The following SGCZ variants were observed in gnomAD, a reference collection of about 807,000 sequenced individuals.
SGCZ encodes the protein sarcoglycan zeta, also known as zeta-sarcoglycan.
In SGCZ, 40 loss-of-function variants were observed where a neutral mutation model predicts 41.3. The observed-to-expected ratio is 0.97, with a 90% CI of 0.75 to 1.26. The LOEUF (loss-of-function observed/expected upper bound fraction) is 1.26, where lower values mean the gene tolerates loss of function less well. Among genes scored for constraint, SGCZ ranks in the 50% most tolerant of loss-of-function variants. The pLI is 0.00. For missense variants in SGCZ, 552 were observed against 369.8 expected, an observed-to-expected ratio of 1.49 and a Z score of -4.04; for synonymous variants, 206 against 137.5, an observed-to-expected ratio of 1.50 and a Z score of -3.49.
intron 1 of SGCZ, among the ~76,000 whole-genome samples, chr8:14,684,165 A>T (rs1349799103): frequency 2.0e-5 from 3 of 152,202 alleles, no homozygotes; most frequent in African/African-American, 7.2e-5. Flanking sequence ...GTTCATTTCT[A>T]ACTAAATGAA....
intron 1 of SGCZ, among the ~76,000 whole-genome samples, chr8:14,926,430 T>C (rs543823838): frequency 6.6e-6 from 1 of 152,150 alleles, no homozygotes; most frequent in Non-Finnish European, 1.5e-5. Flanking sequence ...TTTTTTTGGA[T>C]CTAGATAAGT....
chr8:14,110,614 GA>G (rs1802343188), intron 5 of SGCZ, among the ~76,000 whole-genome samples: 1 of 152,232 alleles, frequency 6.6e-6, no homozygotes, highest in East Asian at 1.9e-4. Context: ...CAGGCCTCTA[GA>G]AAATGAGAAA....
intron 1 of SGCZ, among the ~76,000 whole-genome samples, chr8:15,098,536 T>C (rs1370672433): frequency 6.6e-6 from 1 of 152,234 alleles, no homozygotes; most frequent in Non-Finnish European, 1.5e-5. Flanking sequence ...AATATGCTAG[T>C]AAGTATATCT....
At chr8:14,711,800 G>T (rs544026331) in intron 1 of SGCZ, among the ~76,000 whole-genome samples, 3 of 152,234 alleles carry the variant, frequency 2.0e-5, no homozygotes, top group African/African-American at 7.2e-5. Flanking sequence ...CGTTCTGATA[G>T]GAGATGGACA....
At chr8:14,971,986 G>C (rs1190133428) in intron 1 of SGCZ, among the ~76,000 whole-genome samples, 1 of 152,000 alleles carries the variant, frequency 6.6e-6, no homozygotes, top group African/African-American at 2.4e-5. Context: ...AGGTATATTG[G>C]CTTCCAGTTT....
At chr8:14,344,291 T>A (rs529972198) in intron 2 of SGCZ, among the ~76,000 whole-genome samples, 75 of 151,894 alleles carry the variant, frequency 4.9e-4, no homozygotes, top group African/African-American at 1.8e-3. Context: ...AACAAATAAC[T>A]ATCCAGTAAT....
intron 2 of SGCZ, among the ~76,000 whole-genome samples, chr8:14,456,080 T>A (rs1386864209): frequency 6.6e-6 from 1 of 152,166 alleles, no homozygotes; most frequent in Non-Finnish European, 1.5e-5. Context: ...TGCACAACTC[T>A]GCTAATACAC....
At chr8:14,630,515 T>C (rs1374316029) in intron 1 of SGCZ, among the ~76,000 whole-genome samples, 1 of 151,990 alleles carries the variant, frequency 6.6e-6, no homozygotes, top group Non-Finnish European at 1.5e-5. Context: ...AGCCATCCCA[T>C]TACTGGGTAT....
In SGCZ at chr8:14,503,629, G is replaced by T. The variant is rs147298341; in HGVS notation, c.234+51103C>A. 3.1e-4 allele frequency among the ~76,000 whole-genome samples: 47 copies of T among 152,036 alleles called. 1 individual carries two copies. Among genetic ancestry groups the T allele is most frequent in the Admixed American group, 8.5e-4 (13 of 15,270 alleles). ...CTGAAAATACAAAAATTAGCTGGGC[G>T]TGGTGGCCTGTGCCTGTAGTCCCAG... On this transcript the variant is annotated intron_variant, in intron 2 of 7. Coordinates refer to ENST00000382080, the MANE Select transcript of SGCZ (RefSeq NM_139167.4).
intron 2 of SGCZ, among the ~76,000 whole-genome samples, chr8:14,403,196 C>A (rs1454072248): frequency 1.3e-5 from 2 of 150,002 alleles, no homozygotes; most frequent in East Asian, 1.9e-4. Flanking sequence ...TGGGCTGAGA[C>A]GATGGGGTTT....
chr8:14,422,874 A>T (rs1430232576), intron 2 of SGCZ, among the ~76,000 whole-genome samples: 1 of 152,128 alleles, frequency 6.6e-6, no homozygotes, highest in Admixed American at 6.5e-5. Context: ...GAAAAATTTT[A>T]AAAATTAGCC....
At chr8:14,929,511 G>A (rs925735439) in intron 1 of SGCZ, among the ~76,000 whole-genome samples, 3 of 150,818 alleles carry the variant, frequency 2.0e-5, no homozygotes, top group Non-Finnish European at 2.9e-5. Context: ...TGAGGCTGAC[G>A]CAGCCTAACA....
chr8:14,302,801 A>C (rs2116976327), intron 3 of SGCZ, among the ~76,000 whole-genome samples: 1 of 152,310 alleles, frequency 6.6e-6, no homozygotes, highest in East Asian at 1.9e-4. Context: ...TCTGGACAAA[A>C]CTACCAGATA....
chr8:14,182,897 C>G (rs925456836), intron 4 of SGCZ, among the ~76,000 whole-genome samples: 19 of 150,940 alleles, frequency 1.3e-4, no homozygotes, highest in South Asian at 4.2e-4. Flanking sequence ...GTAATCCCAA[C>G]TAGGTGGGAG....
chr8:15,012,608 T>A (rs6984160), intron 1 of SGCZ, among the ~76,000 whole-genome samples: 14 of 91,896 alleles, frequency 1.5e-4, no homozygotes, highest in Admixed American at 9.4e-4. Context: ...ATTTATATAA[T>A]ACATATATGT....
chr8:14,703,657 T>C (rs1463669093), intron 1 of SGCZ, among the ~76,000 whole-genome samples: 3 of 151,990 alleles, frequency 2.0e-5, no homozygotes, highest in Admixed American at 6.6e-5. Flanking sequence ...TTCTTGTATA[T>C]TTCTAAAACC....
At chr8:14,341,438 C>A (rs1333238156) in intron 2 of SGCZ, among the ~76,000 whole-genome samples, 1 of 151,972 alleles carries the variant, frequency 6.6e-6, no homozygotes, top group African/African-American at 2.4e-5. Context: ...ACACTTGTTA[C>A]CTTTTGTTTG....
At chr8:15,004,172 A>G (rs1802520121) in intron 1 of SGCZ, among the ~76,000 whole-genome samples, 1 of 152,166 alleles carries the variant, frequency 6.6e-6, no homozygotes, top group Admixed American at 6.5e-5. Context: ...AGCTAGATAC[A>G]TGCTGTTAAG....
intron 1 of SGCZ, among the ~76,000 whole-genome samples, chr8:15,167,365 C>G (rs970275495): frequency 6.6e-6 from 1 of 152,118 alleles, no homozygotes; most frequent in Non-Finnish European, 1.5e-5. Context: ...CTACGTAGTC[C>G]CTGTACAGGG....
Sources: gnomAD v4.1 joint callset for allele counts (sites outside exome capture counted in the v4.1 genomes callset) on GRCh38, gnomAD v4.1.1 for gene constraint, MANE v1.5 for transcripts, NCBI Gene and HGNC (gene_info 2026-07-23, HGNC 2026-07-21) for gene names.